DCLK1: variants seen among roughly 807,000 people sequenced by gnomAD.
The protein encoded by DCLK1 is doublecortin like kinase 1, also known as serine/threonine-protein kinase DCLK1.
DCLK1 carries 16 observed loss-of-function variants against 86.2 expected under a neutral mutation model. The ratio of observed to expected loss-of-function variants is 0.19; its 90% CI spans 0.13 to 0.28. The LOEUF is 0.28. DCLK1 is among the 10% of genes least tolerant of loss of function. DCLK1 has a pLI of 1.00. For missense variants in DCLK1, 590 were observed against 940.2 expected (o/e 0.63, Z 4.87); for synonymous variants, 369 against 370.5 (o/e 1.00, Z 0.05).
intron 4 of DCLK1, among the ~76,000 whole-genome samples, chr13:35,886,023 T>C (rs1873210486): frequency 1.5e-5 from 2 of 131,638 alleles, no homozygotes; most frequent in African/African-American, 5.5e-5. Context: ...TTTTTTTTTT[T>C]TTTTTTGAGA....
intron 4 of DCLK1, among the ~76,000 whole-genome samples, chr13:35,875,045 T>C (rs1321366261): frequency 1.3e-5 from 2 of 152,264 alleles, no homozygotes; most frequent in East Asian, 1.9e-4. Flanking sequence ...TCAAAACCTT[T>C]ACCATCTGGT....
At chr13:36,115,391 G>A (rs760839026) in intron 2 of DCLK1, among the ~76,000 whole-genome samples, 5 of 152,078 alleles carry the variant, frequency 3.3e-5, no homozygotes, top group Non-Finnish European at 5.9e-5. Flanking sequence ...CCCAAAATTT[G>A]CTTTGGAAGC....
chr13:35,979,685 C>T (rs1178149053), intron 3 of DCLK1, among the ~76,000 whole-genome samples: 2 of 152,178 alleles, frequency 1.3e-5, no homozygotes, highest in Non-Finnish European at 2.9e-5. Context: ...GGCGAAAGGC[C>T]AATCACGGTC....
chr13:36,056,786 C>T (rs1883335340), intron 3 of DCLK1, among the ~76,000 whole-genome samples: 1 of 149,768 alleles, frequency 6.7e-6, no homozygotes, highest in African/African-American at 2.4e-5. Context: ...GTCCCAGCTA[C>T]TTGGGAGGCT....
At chr13:35,913,374 C>T (rs1411879502) in intron 4 of DCLK1, among the ~76,000 whole-genome samples, 1 of 152,180 alleles carries the variant, frequency 6.6e-6, no homozygotes, top group African/African-American at 2.4e-5. Context: ...ATATTCATAC[C>T]CAGTGCTCTT....
At chr13:35,972,944 T>C (rs1039043413) in intron 3 of DCLK1, among the ~76,000 whole-genome samples, 2 of 152,114 alleles carry the variant, frequency 1.3e-5, no homozygotes, top group Non-Finnish European at 2.9e-5. Context: ...GCATTATTAT[T>C]ATTCCCACAT....
chr13:35,932,137 C>T (rs1184997751), intron 4 of DCLK1, among the ~76,000 whole-genome samples: 1 of 152,184 alleles, frequency 6.6e-6, no homozygotes, highest in East Asian at 1.9e-4. Flanking sequence ...TAGGCCTCAT[C>T]CAATCCACGA....
At position 35,768,761 on chromosome 13, in the gene DCLK1, A is replaced by C. The variant is rs1432888297; in HGVS notation, c.*5774T>G. The C allele has an allele frequency of 3.9e-5, 6 of 152,242 alleles. 1 individual carries two copies. The highest frequency in any genetic ancestry group is 3.3e-4 in the Admixed American group (5 of 15,284). The allele number at this position is 152,242 out of a possible 1,614,324, so 9.4% of individuals were successfully genotyped here. A position where few individuals can be genotyped will look rare whatever the true frequency, so the allele number is the denominator to read the frequency against. ...AGCTGTTTTTGAATTATGCTCATGA[A>C]ATACACACTGTGCTATGGAGGACAT... On this transcript the variant is annotated 3_prime_UTR_variant, in exon 17 of 17. Coordinates refer to ENST00000360631, the MANE Select transcript of DCLK1 (RefSeq NM_001330071.2).
At chr13:35,918,192 A>C (rs1875550780) in intron 4 of DCLK1, among the ~76,000 whole-genome samples, 1 of 152,238 alleles carries the variant, frequency 6.6e-6, no homozygotes, top group Non-Finnish European at 1.5e-5. Context: ...TCTAAAATGC[A>C]TTAGAGAGTA....
At chr13:35,812,038 C>A (rs545397443) in intron 11 of DCLK1, among the ~76,000 whole-genome samples, 2 of 152,112 alleles carry the variant, frequency 1.3e-5, no homozygotes, top group South Asian at 4.1e-4. Flanking sequence ...GAGTCAGCAT[C>A]CTGTCCAGGT....
At chr13:35,883,964 A>C (rs1873075271) in intron 4 of DCLK1, among the ~76,000 whole-genome samples, 1 of 152,164 alleles carries the variant, frequency 6.6e-6, no homozygotes, top group Non-Finnish European at 1.5e-5. Context: ...TCTAGGATAA[A>C]GGACAGACTT....
chr13:36,041,636 G>T (rs1173795480), intron 3 of DCLK1, among the ~76,000 whole-genome samples: 1 of 152,100 alleles, frequency 6.6e-6, no homozygotes, highest in Non-Finnish European at 1.5e-5. Flanking sequence ...TATTCTAAAT[G>T]CCAGAATATT....
intron 8 of DCLK1, among the ~76,000 whole-genome samples, chr13:35,831,354 T>C (rs1393742229): frequency 6.6e-6 from 1 of 152,158 alleles, no homozygotes; most frequent in Non-Finnish European, 1.5e-5. Flanking sequence ...GTAGCTAGTC[T>C]AGAAAGTGTG....
chr13:36,065,968 G>GT (rs151110581), intron 3 of DCLK1, among the ~76,000 whole-genome samples: 7 of 151,680 alleles, frequency 4.6e-5, no homozygotes, highest in Non-Finnish European at 7.4e-5. Flanking sequence ...AATTATGGCT[G>GT]TTTTTTTTAT....
intron 15 of DCLK1, among the ~76,000 whole-genome samples, chr13:35,797,179 C>A (rs113194238): frequency 6.6e-6 from 1 of 152,156 alleles, no homozygotes; most frequent in African/African-American, 2.4e-5. Flanking sequence ...GTTTACCAGC[C>A]TAGGTGTAAA....
chr13:36,042,951 G>C (rs958956975), intron 3 of DCLK1, among the ~76,000 whole-genome samples: 1 of 152,064 alleles, frequency 6.6e-6, no homozygotes, highest in Non-Finnish European at 1.5e-5. Flanking sequence ...TTCTACATAA[G>C]CATATATTTG....
chr13:36,092,549 G>T (rs1404411785), intron 3 of DCLK1, among the ~76,000 whole-genome samples: 1 of 142,398 alleles, frequency 7.0e-6, no homozygotes, highest in South Asian at 2.4e-4. Context: ...TGCAGTGGCG[G>T]GATCTCGGCT....
intron 4 of DCLK1, among the ~76,000 whole-genome samples, chr13:35,914,353 A>ATATATATATATATATACGTG (rs1875261851): frequency 5.9e-5 from 1 of 16,856 alleles, no homozygotes; most frequent in African/African-American, 2.0e-4. Flanking sequence ...ATATATACAT[A>ATATATATATATATATACGTG]TATATATATA....
intron 3 of DCLK1, among the ~76,000 whole-genome samples, chr13:36,067,847 A>G (rs1374515969): frequency 6.6e-6 from 1 of 152,106 alleles, no homozygotes; most frequent in Non-Finnish European, 1.5e-5. Context: ...CAAAATCACT[A>G]TGCTAAATGA....
Sources: gnomAD v4.1 joint callset for allele counts (sites outside exome capture counted in the v4.1 genomes callset) on GRCh38, gnomAD v4.1.1 for gene constraint, MANE v1.5 for transcripts, NCBI Gene and HGNC (gene_info 2026-07-23, HGNC 2026-07-21) for gene names.